Variants in CDK14 observed in about 807,000 individuals in gnomAD.
The protein encoded by CDK14 is cyclin-dependent kinase 14.
Under a neutral mutation model 60.7 loss-of-function variants are expected in CDK14, and 34 were observed. The ratio of observed to expected loss-of-function variants is 0.56; its 90% CI spans 0.43 to 0.75. CDK14 has a LOEUF of 0.75. Among genes scored for constraint, CDK14 ranks in the 30% least tolerant of loss-of-function variants. The pLI is 0.00. For missense variants in CDK14, 482 were observed against 564.1 expected, an observed-to-expected ratio of 0.85 and a Z score of 1.47; for synonymous variants, 197 against 203.7, an observed-to-expected ratio of 0.97 and a Z score of 0.28.
chr7:91,071,255 C>A lies in CDK14; in HGVS notation c.1106-8177C>A, dbSNP rs11973841. On this transcript the variant is annotated intron_variant, in intron 11 of 14. Coordinates refer to ENST00000380050, the MANE Select transcript of CDK14 (RefSeq NM_001287135.2). ...TAATTTGGGGCAGGGCCAAGATGGC[C>A]GACTAGAAGCAGTGGTGATCTGAGG... is the stretch of plus-strand genomic sequence containing the variant. Among the ~76,000 whole-genome samples, 578 of 152,268 alleles carry A rather than the reference C, an allele frequency of 3.8e-3. 4 individuals carry two copies. Among genetic ancestry groups the A allele is most frequent in the African/African-American group, 0.013 (539 of 41,556 alleles).
intron 10 of CDK14, among the ~76,000 whole-genome samples, chr7:90,998,544 T>C (rs1401865156): frequency 6.6e-6 from 1 of 152,196 alleles, no homozygotes; most frequent in South Asian, 2.1e-4. Flanking sequence ...TAGAGAGGTA[T>C]CTTAGTCCAT....
intron 2 of CDK14, among the ~76,000 whole-genome samples, chr7:90,620,356 C>G (rs555271443): frequency 1.3e-5 from 2 of 152,256 alleles, no homozygotes; most frequent in South Asian, 4.2e-4. Flanking sequence ...ACTGGCATGT[C>G]AGGGGCAATG....
chr7:90,606,948 A>G (rs1466480443), intron 2 of CDK14, among the ~76,000 whole-genome samples: 1 of 152,204 alleles, frequency 6.6e-6, no homozygotes, highest in Non-Finnish European at 1.5e-5. Context: ...CTCTAAATGT[A>G]GGATTCTAAA....
intron 2 of CDK14, among the ~76,000 whole-genome samples, chr7:90,666,721 A>G (rs968892470): frequency 6.6e-6 from 1 of 152,190 alleles, no homozygotes; most frequent in Non-Finnish European, 1.5e-5. Context: ...AAAGTAATGG[A>G]AACACCAGGC....
intron 4 of CDK14, among the ~76,000 whole-genome samples, chr7:90,772,369 T>A (rs1804818670): frequency 6.6e-6 from 1 of 152,152 alleles, no homozygotes; most frequent in Non-Finnish European, 1.5e-5. Context: ...ACAAGGAAGG[T>A]GTGTGCTTAT....
chr7:90,720,901 G>C (rs1330109331), intron 2 of CDK14, among the ~76,000 whole-genome samples: 1 of 152,138 alleles, frequency 6.6e-6, no homozygotes, highest in Non-Finnish European at 1.5e-5. Flanking sequence ...GGTCCTGGAT[G>C]CTTTTTTCAA....
At chr7:91,155,121 G>A (rs143639934) in intron 14 of CDK14, among the ~76,000 whole-genome samples, 28 of 152,294 alleles carry the variant, frequency 1.8e-4, no homozygotes, top group African/African-American at 6.7e-4. Flanking sequence ...GAAAAGTGAG[G>A]ATTGAGAGGA....
At chr7:90,640,862 G>T (rs1221833567) in intron 2 of CDK14, among the ~76,000 whole-genome samples, 1 of 151,960 alleles carries the variant, frequency 6.6e-6, no homozygotes, top group Non-Finnish European at 1.5e-5. Context: ...ATAAGGGACT[G>T]GTATCCCAGA....
intron 2 of CDK14, among the ~76,000 whole-genome samples, chr7:90,703,895 G>A (rs1189978273): frequency 6.6e-6 from 1 of 152,162 alleles, no homozygotes; most frequent in Non-Finnish European, 1.5e-5. Flanking sequence ...AGACCAACCT[G>A]GGCAACATGG....
chr7:90,640,552 C>T (rs1215786426), intron 2 of CDK14, among the ~76,000 whole-genome samples: 1 of 151,962 alleles, frequency 6.6e-6, no homozygotes, highest in Non-Finnish European at 1.5e-5. Context: ...AAGAGGAAAG[C>T]ATACAATGTA....
chr7:90,993,289 TG>T (rs1163130099), intron 10 of CDK14, among the ~76,000 whole-genome samples: 1 of 152,166 alleles, frequency 6.6e-6, no homozygotes. Flanking sequence ...CTTTGAGAAC[TG>T]GGTCAATGAA....
chr7:90,974,304 CAT>C (rs34022273), intron 9 of CDK14, among the ~76,000 whole-genome samples: 23,406 of 151,986 alleles, frequency 0.15, 1,900 homozygotes, highest in Non-Finnish European at 0.18. Context: ...TTCAAACACA[CAT>C]GTTTTACAAA....
intron 4 of CDK14, among the ~76,000 whole-genome samples, chr7:90,783,543 A>C (rs1805433657): frequency 6.6e-6 from 1 of 152,182 alleles, no homozygotes. Flanking sequence ...ACCAGAATAC[A>C]TAAGGAACTC....
At chr7:91,050,825 T>C (rs1371595960) in intron 11 of CDK14, among the ~76,000 whole-genome samples, 2 of 152,268 alleles carry the variant, frequency 1.3e-5, no homozygotes, top group African/African-American at 2.4e-5. Flanking sequence ...GGAGCATGCA[T>C]GTCACATGGT....
At chr7:91,126,661 A>T (rs1420640219) in intron 14 of CDK14, among the ~76,000 whole-genome samples, 1 of 151,846 alleles carries the variant, frequency 6.6e-6, no homozygotes, top group Non-Finnish European at 1.5e-5. Context: ...AGCTCTCAAA[A>T]TGATCTCAGG....
rs1232907161 is a variant in CDK14, at chr7:90,729,357, TTTTTTTTTTTTTTTC to T, written c.369+2546_369+2560del. On this transcript the variant is annotated intron_variant, in intron 3 of 14. Transcript: ENST00000380050. ...GTAGGTATCAAGGTTTTTTTTTTTT[TTTTTTTTTTTTTTTC>T]CCCACTCATCCTAGGCAATGTGACT... Among the ~76,000 whole-genome samples the T allele has an allele frequency of 3.8e-5, 5 of 131,864 alleles. 1 individual carries two copies. The highest frequency in any genetic ancestry group is 6.3e-5 in the Non-Finnish European group (4 of 63,282). 86.5% of individuals were successfully genotyped at this position (131,864 alleles called of 152,430 possible).
intron 9 of CDK14, among the ~76,000 whole-genome samples, chr7:90,981,116 T>G (rs1795216769): frequency 6.6e-6 from 1 of 152,154 alleles, no homozygotes; most frequent in South Asian, 2.1e-4. Context: ...AGGTAGCTAT[T>G]TAAGATCCAA....
At chr7:91,068,807 T>TAAAAAAA (rs57179045) in intron 11 of CDK14, among the ~76,000 whole-genome samples, 3 of 68,796 alleles carry the variant, frequency 4.4e-5, no homozygotes, top group African/African-American at 5.2e-5. Context: ...TACCTTATAT[T>TAAAAAAA]AAAAAAAAAA....
chr7:90,649,382 CTTCCTTCCTTCCTTCT>C lies in CDK14; in HGVS notation c.123+45137_123+45152del, dbSNP rs1304293079. 3.4e-3 allele frequency among the ~76,000 whole-genome samples: 200 copies of C among 59,110 alleles called. 17 individuals carry two copies. The South Asian group carries it at 0.035, about 10-fold the overall frequency. The allele number at this position is 59,110 out of a possible 152,430, so 38.8% of individuals were successfully genotyped here. On this transcript the variant is annotated intron_variant, in intron 2 of 14. Coordinates refer to ENST00000380050, the MANE Select transcript of CDK14 (RefSeq NM_001287135.2). Reference sequence around the variant, plus strand: ...CTTCCTTCCTTTCCTTCCTTCCTTCCTTCCTTCCTTCCTTCTTTCTTTCTTTCTTTCTTTCTTTCCT... The same window carrying C: ...CTTCCTTCCTTTCCTTCCTTCCTTCCTTCTTTCTTTCTTTCTTTCTTTCCT...
Sources: gnomAD v4.1 joint callset for allele counts (sites outside exome capture counted in the v4.1 genomes callset) on GRCh38, gnomAD v4.1.1 for gene constraint, MANE v1.5 for transcripts, NCBI Gene and HGNC (gene_info 2026-07-23, HGNC 2026-07-21) for gene names.